The following SYNPO2 variants were observed in gnomAD, a reference collection of about 807,000 sequenced individuals.
SYNPO2 encodes synaptopodin 2, also known as synaptopodin-2.
Under a neutral mutation model 85.0 loss-of-function variants are expected in SYNPO2, and 56 were observed. That is an observed-to-expected ratio of 0.66 (90% CI 0.53 to 0.82). The LOEUF is 0.82. Ranked by LOEUF, SYNPO2 falls within the 40% of genes least tolerant of loss-of-function variation. The probability of loss-of-function intolerance (pLI) is 0.00; values close to 1 mark genes in which losing one functional copy is unlikely to be tolerated. For missense variants in SYNPO2, 1,575 were observed against 1,534.2 expected, an observed-to-expected ratio of 1.03 and a Z score of -0.44; for synonymous variants, 602 against 591.1, an observed-to-expected ratio of 1.02 and a Z score of -0.27.
chr4:119,030,517 G>A lies in SYNPO2; in HGVS notation c.1742G>A (p.Arg581Lys), dbSNP rs770020107. ...SGTSETANIQRMVPMNRTAKP... is the reference protein window; with the variant it reads ...SGTSETANIQKMVPMNRTAKP... ...ACATCTGAGACAGCAAACATCCAGA[G>A]GATGGTCCCCATGAATAGAACGGCC... is the stretch of plus-strand genomic sequence containing the variant. The change falls in exon 4 of 5, where the codon AGG becomes AAG. Residue 581 changes from arginine (R) to lysine (K), a missense_variant. Arg to Lys is a conservative substitution (Grantham distance 26, BLOSUM62 2). Coordinates refer to ENST00000307142, the MANE Select transcript of SYNPO2 (RefSeq NM_133477.3). 12 of 1,614,090 alleles carry A rather than the reference G, an allele frequency of 7.4e-6. No homozygotes were observed. The highest frequency in any genetic ancestry group is 6.7e-5 in the Admixed American group (4 of 60,022).
intron 4 of SYNPO2, chr4:119,035,095 T>G: frequency 1.0e-6 from 1 of 985,454 alleles, no homozygotes; most frequent in Non-Finnish European, 1.2e-6. Context: ...GCCTTATGTA[T>G]ATTATCCCAA....
rs1326974763 is a variant in SYNPO2 at position 118,860,440 on chromosome 4, TG to T, written c.12+9501del. ...TGTGTTTTTTGTAGAGATGGGGTTT[TG>T]CCATGTTGCCCAGGGTGGTCTCAAA... On this transcript the variant is annotated intron_variant, in intron 1 of 4. Transcript: ENST00000610556. 2.6e-5 allele frequency among the ~76,000 whole-genome samples: 4 copies of T among 152,186 alleles called. No individual in the cohort carries two copies. The East Asian group carries it at 7.7e-4, about 29-fold the overall frequency.
chr4:118,984,740 G>C (rs1427664886), intron 1 of SYNPO2, among the ~76,000 whole-genome samples: 1 of 152,170 alleles, frequency 6.6e-6, no homozygotes, highest in Non-Finnish European at 1.5e-5. Context: ...CTAAGCACTT[G>C]ATGAGTCTAT....
chr4:119,005,148 T>C (rs1736983133), intron 1 of SYNPO2, among the ~76,000 whole-genome samples: 1 of 152,224 alleles, frequency 6.6e-6, no homozygotes, highest in Admixed American at 6.5e-5. Flanking sequence ...GATGAGTAGA[T>C]TGCGAAAATT....
rs887446068 is a variant in SYNPO2 at position 119,058,049 on chromosome 4, A to G, written c.*115A>G. 141 of 1,158,320 alleles carry G rather than the reference A, an allele frequency of 1.2e-4. No homozygotes were observed. The African/African-American group carries it at 2.0e-3, about 17-fold the overall frequency. The allele number at this position is 1,158,320 out of a possible 1,614,324, so 71.8% of individuals were successfully genotyped here. Reference sequence around the variant, plus strand: ...TCACTTTTGGTCTTGGCTTGTTCTCATAAGTCATTTATCTAAGTTTGTGTT... The same window carrying G: ...TCACTTTTGGTCTTGGCTTGTTCTCGTAAGTCATTTATCTAAGTTTGTGTT... On this transcript the variant is annotated 3_prime_UTR_variant, in exon 5 of 5. Transcript: ENST00000307142.
upstream of SYNPO2, among the ~76,000 whole-genome samples, chr4:118,887,124 C>A (rs1237783293): frequency 3.3e-5 from 5 of 151,792 alleles, no homozygotes. Flanking sequence ...AAGCTGTGCT[C>A]ATGAGATGAA....
chr4:118,959,382 T>TGGTTA (rs1734992326), intron 1 of SYNPO2, among the ~76,000 whole-genome samples: 2 of 152,224 alleles, frequency 1.3e-5, no homozygotes, highest in African/African-American at 4.8e-5. Context: ...AGAAGAGTGA[T>TGGTTA]GGTTACCATT....
intron 1 of SYNPO2, among the ~76,000 whole-genome samples, chr4:118,908,314 A>G (rs1218058469): frequency 6.6e-6 from 1 of 152,170 alleles, no homozygotes; most frequent in East Asian, 1.9e-4. Context: ...CTTGTTACTC[A>G]TTATATTGGC....
At chr4:118,946,672 G>A (rs922966047) in intron 1 of SYNPO2, among the ~76,000 whole-genome samples, 3 of 152,234 alleles carry the variant, frequency 2.0e-5, no homozygotes, top group Non-Finnish European at 2.9e-5. Flanking sequence ...GTACATTTAT[G>A]TCTTGATTAA....
intron 4 of SYNPO2, chr4:119,033,811 T>A: frequency 1.0e-6 from 1 of 984,650 alleles, no homozygotes; most frequent in Non-Finnish European, 1.2e-6. Flanking sequence ...GATATTTCTC[T>A]ATATGGCTCC....
At chr4:119,049,350 A>C (rs1738966699) in intron 4 of SYNPO2, among the ~76,000 whole-genome samples, 1 of 152,192 alleles carries the variant, frequency 6.6e-6, no homozygotes, top group African/African-American at 2.4e-5. Flanking sequence ...TGTATGATAA[A>C]GTATATGTTT....
intron 1 of SYNPO2, among the ~76,000 whole-genome samples, chr4:118,883,691 T>C (rs572511023): frequency 6.7e-6 from 1 of 149,870 alleles, no homozygotes; most frequent in South Asian, 2.1e-4. Flanking sequence ...ATTTTTTCTT[T>C]AGAAAATAGA....
At chr4:118,949,231 G>A (rs904938234) in intron 1 of SYNPO2, among the ~76,000 whole-genome samples, 5 of 152,218 alleles carry the variant, frequency 3.3e-5, no homozygotes, top group South Asian at 2.1e-4. Context: ...CGGCAGATCC[G>A]AAGCATTTGC....
intron 1 of SYNPO2, among the ~76,000 whole-genome samples, chr4:118,999,615 G>T (rs925196012): frequency 4.6e-5 from 7 of 150,562 alleles, no homozygotes; most frequent in Non-Finnish European, 7.4e-5. Flanking sequence ...ATTTATTTAT[G>T]TAGAGATGGG....
chr4:118,888,957 A>G lies in SYNPO2; in HGVS notation c.-80A>G, dbSNP rs1288971472. The G allele has an allele frequency of 1.4e-6, 2 of 1,425,724 alleles. No individual in the cohort carries two copies. The highest frequency in any genetic ancestry group is 2.8e-5 in the African/African-American group (2 of 70,684). 88.3% of individuals were successfully genotyped at this position (1,425,724 alleles called of 1,614,324 possible). A position where few individuals can be genotyped will look rare whatever the true frequency, so the allele number is the denominator to read the frequency against. On this transcript the variant is annotated 5_prime_UTR_variant, in exon 1 of 5. Coordinates refer to ENST00000307142, the MANE Select transcript of SYNPO2 (RefSeq NM_133477.3). The stretch of plus-strand genomic sequence containing the variant: ...TCTTGCGTCCTCGGCAGGCGCCCGA[A>G]GCTGAGTGCGCATCCTCTACCGCAC...
intron 1 of SYNPO2, among the ~76,000 whole-genome samples, chr4:118,900,699 CTCTCTATATATATATATATA>C (rs1448159701): frequency 6.8e-5 from 2 of 29,426 alleles, no homozygotes; most frequent in African/African-American, 8.7e-5. Context: ...CTCTCTCTCT[CTCTCTATATATATATATATA>C]TATATATATA....
chr4:118,935,765 C>T (rs1337005287), intron 1 of SYNPO2, among the ~76,000 whole-genome samples: 6 of 152,206 alleles, frequency 3.9e-5, no homozygotes. Context: ...ATATCTTGTA[C>T]ACTATATACA....
chr4:118,889,943 A>G (rs1159948777), intron 1 of SYNPO2, among the ~76,000 whole-genome samples: 1 of 152,240 alleles, frequency 6.6e-6, no homozygotes, highest in African/African-American at 2.4e-5. Context: ...AAAATGCACA[A>G]AACTAAGCAA....
chr4:118,873,771 G>A (rs1369271627), intron 1 of SYNPO2, among the ~76,000 whole-genome samples: 1 of 151,952 alleles, frequency 6.6e-6, no homozygotes, highest in Non-Finnish European at 1.5e-5. Context: ...TCTTTGCCTA[G>A]CTTAATATTC....
Sources: gnomAD v4.1 joint callset for allele counts (sites outside exome capture counted in the v4.1 genomes callset) on GRCh38, gnomAD v4.1.1 for gene constraint, MANE v1.5 for transcripts, NCBI Gene and HGNC (gene_info 2026-07-23, HGNC 2026-07-21) for gene names.